Variants in FRZB observed in about 807,000 individuals in gnomAD.
FRZB encodes the protein secreted frizzled-related protein 3.
In FRZB, 34 loss-of-function variants were observed where a neutral mutation model predicts 32.5. The observed-to-expected ratio is 1.05, with a 90% confidence interval of 0.80 to 1.39. FRZB has a LOEUF of 1.39. Ranked by LOEUF, FRZB falls within the 40% of genes most tolerant of loss-of-function variation. The probability of loss-of-function intolerance (pLI) is 0.00; values close to 1 mark genes in which losing one functional copy is unlikely to be tolerated. For missense variants in FRZB, 423 were observed against 424.8 expected, an observed-to-expected ratio of 1.00 and a Z score of 0.04; for synonymous variants, 170 against 159.2, an observed-to-expected ratio of 1.07 and a Z score of -0.51.
At position 182,846,659 on chromosome 2, in the gene FRZB, T is replaced by C. The variant is rs1695643918; in HGVS notation, c.527-4116A>G. 4.6e-5 allele frequency among the ~76,000 whole-genome samples: 7 copies of C among 152,340 alleles called. No individual in the cohort carries two copies. In the South Asian group the frequency reaches 1.5e-3, roughly 32 times the overall value. ...ACCCCTGAATCCCAATTGTCCTCTT[T>C]TCCTCCATTTTAAAACACATAGGAG... is the stretch of plus-strand genomic sequence containing the variant. On this transcript the variant is annotated intron_variant, in intron 2 of 5. Coordinates refer to ENST00000295113, the MANE Select transcript of FRZB (RefSeq NM_001463.4).
intron 1 of FRZB, among the ~76,000 whole-genome samples, chr2:182,861,965 A>G (rs1695837785): frequency 6.6e-6 from 1 of 152,234 alleles, no homozygotes; most frequent in Non-Finnish European, 1.5e-5. Flanking sequence ...GCCTTTCAGT[A>G]TTTTACACAA....
intron 1 of FRZB, 29 bp from the exon 2 acceptor site, chr2:182,858,862 A>C: frequency 6.4e-7 from 1 of 1,554,682 alleles, no homozygotes; most frequent in Non-Finnish European, 8.9e-7. Flanking sequence ...AAAAAGAACT[A>C]TAACATATCT....
In FRZB at chr2:182,866,310, GC is replaced by G; in HGVS notation, c.242del (p.Ser81ThrfsTer126). 1 of 1,614,260 alleles carries G rather than the reference GC, an allele frequency of 6.2e-7. No individual in the cohort carries two copies. Among genetic ancestry groups the G allele is most frequent in the South Asian group, 1.1e-5 (1 of 91,084 alleles). On this transcript the variant is annotated frameshift_variant, in exon 1 of 6. Transcript: ENST00000295113. LOFTEE classifies it high-confidence loss of function. This position sits in a 1 kb window ranked among gnomAD's most constrained non-coding sequence, Gnocchi z 4.5. ...CACAGAGGAAGAAGAGCAGATCGGG[GC>G]TGCAGTGGGTGCCCAGCAGACCTTC... Reference protein sequence around the residue: ...QFEGLLGTHCSPDLLFFLCAM... With the variant: ...QFEGLLGTHCXPDLLFFLCAM...
At chr2:182,857,779 TG>T (rs1695787241) in intron 2 of FRZB, among the ~76,000 whole-genome samples, 1 of 152,126 alleles carries the variant, frequency 6.6e-6, no homozygotes, top group Non-Finnish European at 1.5e-5. Context: ...AGATGTTTTT[TG>T]TATCCAGAAT....
intron 2 of FRZB, among the ~76,000 whole-genome samples, chr2:182,856,373 A>T (rs10931044): frequency 0.45 from 67,249 of 148,828 alleles, 16,338 homozygotes; most frequent in Non-Finnish European, 0.55. Flanking sequence ...TGTGTGTGTG[A>T]GAGAGAGAGA....
chr2:182,864,841 C>T (rs1209413126), intron 1 of FRZB, among the ~76,000 whole-genome samples: 2 of 151,772 alleles, frequency 1.3e-5, no homozygotes, highest in Non-Finnish European at 2.9e-5. Context: ...ATGGAGGCAA[C>T]CAAGTCAACA....
intron 5 of FRZB, among the ~76,000 whole-genome samples, chr2:182,836,805 A>G (rs1227996523): frequency 6.6e-6 from 1 of 152,110 alleles, no homozygotes; most frequent in East Asian, 1.9e-4. Context: ...AGAGATGCAG[A>G]GAGAATGCCC....
chr2:182,860,557 G>A (rs1266389775), intron 1 of FRZB, among the ~76,000 whole-genome samples: 1 of 151,902 alleles, frequency 6.6e-6, no homozygotes, highest in Non-Finnish European at 1.5e-5. Flanking sequence ...GGGGAATGAG[G>A]AAAAAGGTAG....
intron 2 of FRZB, among the ~76,000 whole-genome samples, chr2:182,847,252 G>A (rs1039092729): frequency 4.6e-5 from 7 of 152,288 alleles, no homozygotes; most frequent in Non-Finnish European, 8.8e-5. Flanking sequence ...CCAATATACT[G>A]TGAGAAAATG....
In FRZB at chr2:182,866,273, G is replaced by A. The variant is rs1265199056; in HGVS notation, c.280C>T (p.Pro94Ser). 5 of 1,614,250 alleles carry A rather than the reference G, an allele frequency of 3.1e-6. No homozygotes were observed. The highest frequency in any genetic ancestry group is 1.7e-5 in the Admixed American group (1 of 60,036). The change falls in exon 1 of 6, where the codon CCC (proline) becomes TCC (serine). Residue 94 changes from proline to serine, a missense_variant. Physicochemically the swap from Pro to Ser is moderately conservative, Grantham distance 74. Transcript: ENST00000295113. This position sits in a 1 kb window ranked among gnomAD's most constrained non-coding sequence, Gnocchi z 4.5. ...TGCTGGAAGTCAATGGTGCAGATGGGCGCGTACATGGCACAGAGGAAGAAG... is the reference window on the plus strand; with the variant it reads ...TGCTGGAAGTCAATGGTGCAGATGGACGCGTACATGGCACAGAGGAAGAAG... Reference protein sequence around the residue: ...LLFFLCAMYAPICTIDFQHEP... With the variant: ...LLFFLCAMYASICTIDFQHEP...
At chr2:182,850,900 T>C (rs951781901) in intron 2 of FRZB, among the ~76,000 whole-genome samples, 4 of 152,234 alleles carry the variant, frequency 2.6e-5, no homozygotes, top group Non-Finnish European at 5.9e-5. Flanking sequence ...GTTCCATCTT[T>C]TTGATAAAAG....
Position 182,866,445 on chromosome 2 carries a change from C to A in FRZB, c.108G>T (p.Glu36Asp). ...RVPGARAAAC[E>D]PVRIPLCKSL... ...ACTTGCACAGGGGGATGCGGACGGG[C>A]TCACAGGCTGCAGCCCGAGCCCCGG... Residue 36 changes from glutamate to aspartate, a missense_variant, in exon 1 of 6, where the codon GAG becomes GAT. Glu to Asp is a conservative substitution (Grantham distance 45). Transcript: ENST00000295113. This position sits in a 1 kb window ranked among gnomAD's most constrained non-coding sequence, Gnocchi z 4.5. The A allele has an allele frequency of 6.3e-7, 1 of 1,582,148 alleles. No homozygotes were observed. The highest frequency in any genetic ancestry group is 8.6e-7 in the Non-Finnish European group (1 of 1,162,096).
intron 1 of FRZB, among the ~76,000 whole-genome samples, chr2:182,865,213 A>C (rs1382195883): frequency 6.6e-6 from 1 of 152,090 alleles, no homozygotes; most frequent in Admixed American, 6.5e-5. Flanking sequence ...TTTTCAAAAC[A>C]TGAGAGTGGA....
At chr2:182,852,768 C>T (rs996684784) in intron 2 of FRZB, among the ~76,000 whole-genome samples, 1 of 151,998 alleles carries the variant, frequency 6.6e-6, no homozygotes, top group African/African-American at 2.4e-5. Flanking sequence ...ATATTACACG[C>T]TATGGAAATA....
At chr2:182,837,924 T>C in intron 5 of FRZB, 24 bp downstream of exon 5, 1 of 1,596,132 alleles carries the variant, frequency 6.3e-7, no homozygotes, top group Non-Finnish European at 8.6e-7. Flanking sequence ...TGTGTATTAC[T>C]TCAAACATAA....
rs1292725635 is a variant in FRZB at position 182,866,240 on chromosome 2, T to TG, written c.312dup (p.Ile105HisfsTer5). On this transcript the variant is annotated frameshift_variant, in exon 1 of 6. Coordinates refer to ENST00000295113, the MANE Select transcript of FRZB (RefSeq NM_001463.4). LOFTEE classifies it high-confidence loss of function. The surrounding 1 kb of genome is among the most constrained non-coding windows in gnomAD (Gnocchi z 4.5). Reference sequence around the variant, plus strand: ...TCGCACACAGACTTACAGGGCTTGATGGGCTCGTGCTGGAAGTCAATGGTG... The same window carrying TG: ...TCGCACACAGACTTACAGGGCTTGATGGGGCTCGTGCTGGAAGTCAATGGTG... The TG allele has an allele frequency of 2.5e-6, 4 of 1,614,144 alleles. No homozygotes were observed. Among genetic ancestry groups the TG allele is most frequent in the Non-Finnish European group, 3.4e-6 (4 of 1,180,018 alleles).
chr2:182,863,690 A>C (rs555349184), intron 1 of FRZB, among the ~76,000 whole-genome samples: 1 of 152,138 alleles, frequency 6.6e-6, no homozygotes, highest in South Asian at 2.1e-4. Context: ...AATAAGAAAA[A>C]AACCTTGCTT....
intron 2 of FRZB, among the ~76,000 whole-genome samples, chr2:182,848,237 T>C (rs911864723): frequency 4.3e-4 from 66 of 151,890 alleles, no homozygotes; most frequent in African/African-American, 1.5e-3. Flanking sequence ...GTGGCTGGGG[T>C]AGAATAGACA....
At chr2:182,836,562 C>T (rs983954714) in intron 5 of FRZB, among the ~76,000 whole-genome samples, 1 of 151,998 alleles carries the variant, frequency 6.6e-6, no homozygotes, top group African/African-American at 2.4e-5. Context: ...ACAAACAAGC[C>T]ATGTGTCCTG....
Sources: gnomAD v4.1 joint callset for allele counts (sites outside exome capture counted in the v4.1 genomes callset) on GRCh38, gnomAD v4.1.1 for gene constraint, Gnocchi (gnomAD v3.1) non-coding constraint, MANE v1.5 for transcripts, NCBI Gene and HGNC (gene_info 2026-07-23, HGNC 2026-07-21) for gene names.